NTRK2: variants seen among roughly 807,000 people sequenced by gnomAD.
The protein encoded by NTRK2 is BDNF/NT-3 growth factors receptor.
A neutral mutation model predicts 94.5 loss-of-function variants in NTRK2; 13 were observed. The observed-to-expected ratio is 0.14, with a 90% CI of 0.09 to 0.22. The LOEUF (loss-of-function observed/expected upper bound fraction) is 0.22, where lower values mean the gene tolerates loss of function less well. Among genes scored for constraint, NTRK2 ranks in the 10% least tolerant of loss-of-function variants. The pLI, the probability that NTRK2 is intolerant of heterozygous loss-of-function variation, is 1.00. For missense variants in NTRK2, 639 were observed against 1,071.2 expected (o/e 0.60, Z 5.63); for synonymous variants, 372 against 407.4 (o/e 0.91, Z 1.05).
At chr9:84,905,188 AAGAC>A (rs1239318552) in intron 14 of NTRK2, among the ~76,000 whole-genome samples, 1 of 152,164 alleles carries the variant, frequency 6.6e-6, no homozygotes, top group African/African-American at 2.4e-5. Context: ...AAGGGGAAGA[AAGAC>A]AGTAGTAGAA....
At chr9:84,754,048 C>CAT (rs2064862922) in intron 12 of NTRK2, among the ~76,000 whole-genome samples, 1 of 152,166 alleles carries the variant, frequency 6.6e-6, no homozygotes, top group East Asian at 1.9e-4. Flanking sequence ...AATTATGTTG[C>CAT]ATATTGAGAC....
intron 14 of NTRK2, among the ~76,000 whole-genome samples, chr9:84,910,516 C>G (rs2077207203): frequency 6.6e-6 from 1 of 152,242 alleles, no homozygotes; most frequent in East Asian, 1.9e-4. Flanking sequence ...GGATTTAAGG[C>G]CTACTCTAAT....
chr9:84,864,541 G>A (rs561800114), intron 13 of NTRK2, among the ~76,000 whole-genome samples: 4 of 152,194 alleles, frequency 2.6e-5, no homozygotes, highest in African/African-American at 7.2e-5. Flanking sequence ...TGCATTTCTG[G>A]GGGTAAAGGT....
chr9:84,775,067 T>C (rs1436492007), intron 12 of NTRK2, among the ~76,000 whole-genome samples: 1 of 152,256 alleles, frequency 6.6e-6, no homozygotes, highest in Non-Finnish European at 1.5e-5. Context: ...TCCCTAAGTA[T>C]ATAAGATGAG....
chr9:84,975,998 A>G (rs1372877889), intron 17 of NTRK2, among the ~76,000 whole-genome samples: 7 of 152,158 alleles, frequency 4.6e-5, no homozygotes, highest in Non-Finnish European at 8.8e-5. Context: ...GGGCTGCCTG[A>G]CAAGAGCTCT....
chr9:84,812,419 T>A (rs1217941975), intron 12 of NTRK2: 9 of 1,055,636 alleles, frequency 8.5e-6, no homozygotes, highest in Middle Eastern at 4.3e-4. Context: ...CCTAACTCCA[T>A]TTGAATGTAA....
At chr9:84,992,592 C>A (rs1252596744) in intron 17 of NTRK2, among the ~76,000 whole-genome samples, 1 of 151,950 alleles carries the variant, frequency 6.6e-6, no homozygotes, top group African/African-American at 2.4e-5. Flanking sequence ...TGGCAAAGAA[C>A]AGAACCTAAT....
In NTRK2 at chr9:84,761,249, G is replaced by GT. The variant is rs113347715; in HGVS notation, c.1396+9165dup. ...TAATATCCTGGATTGAAGCAGAAGA[G>GT]TCATCTCTGTCTTCAGCGACAGTGT... On this transcript the variant is annotated intron_variant, in intron 12 of 18. Transcript: ENST00000277120. Among the ~76,000 whole-genome samples the GT allele has an allele frequency of 5.2e-3, 786 of 152,266 alleles. 7 individuals carry two copies. Among genetic ancestry groups the GT allele is most frequent in the African/African-American group, 0.018 (749 of 41,558 alleles).
At chr9:85,008,646 A>C (rs539594772) in intron 17 of NTRK2, among the ~76,000 whole-genome samples, 1 of 152,268 alleles carries the variant, frequency 6.6e-6, no homozygotes, top group South Asian at 2.1e-4. Flanking sequence ...GCTTAAAGGG[A>C]GGTGATGTCT....
intron 17 of NTRK2, among the ~76,000 whole-genome samples, chr9:84,979,691 T>C (rs550512414): frequency 2.0e-5 from 3 of 152,322 alleles, no homozygotes; most frequent in African/African-American, 7.2e-5. Flanking sequence ...CATTACATAT[T>C]ACAGAGAAAT....
intron 12 of NTRK2, among the ~76,000 whole-genome samples, chr9:84,782,056 A>ACACACACG (rs2067634354): frequency 2.0e-5 from 3 of 151,802 alleles, no homozygotes; most frequent in South Asian, 4.2e-4. Context: ...ACACACACAC[A>ACACACACG]CACACACACA....
chr9:84,674,591 T>C (rs1263057649), intron 2 of NTRK2, among the ~76,000 whole-genome samples: 2 of 152,256 alleles, frequency 1.3e-5, no homozygotes, highest in Non-Finnish European at 2.9e-5. Context: ...GTGTCTTATA[T>C]GCATTTAAGA....
chr9:84,874,335 C>T (rs377344637), intron 14 of NTRK2: 20 of 1,065,176 alleles, frequency 1.9e-5, no homozygotes, highest in African/African-American at 1.8e-4. Flanking sequence ...GAGGCTCAAT[C>T]CTTTACGGCA....
At chr9:84,714,428 C>T (rs2061590240) in intron 6 of NTRK2, among the ~76,000 whole-genome samples, 1 of 152,234 alleles carries the variant, frequency 6.6e-6, no homozygotes, top group Non-Finnish European at 1.5e-5. Context: ...TCTTCTCCAT[C>T]AGCGATGTGC....
Position 84,727,970 on chromosome 9 carries a change from G to A in NTRK2, c.1159+11G>A. 1.2e-6 allele frequency: 2 copies of A among 1,612,418 alleles called. No individual in the cohort carries two copies. The highest frequency in any genetic ancestry group is 1.7e-6 in the Non-Finnish European group (2 of 1,178,504). ...CTGGAATTGACGATGGTGAGTAACT[G>A]ACACTTTTGTATGTGGGGAGAAGAT... is the stretch of plus-strand genomic sequence containing the variant. On this transcript the variant is annotated intron_variant, in intron 9 of 18. Coordinates refer to ENST00000277120, the MANE Select transcript of NTRK2 (RefSeq NM_006180.6).
chr9:84,815,990 T>TAA (rs34917078), intron 12 of NTRK2, among the ~76,000 whole-genome samples: 12 of 139,138 alleles, frequency 8.6e-5, no homozygotes, highest in Admixed American at 2.8e-4. Flanking sequence ...AGGCAATCCT[T>TAA]AAAAAAAAAA....
chr9:84,693,792 T>G (rs2060199883), intron 2 of NTRK2, among the ~76,000 whole-genome samples: 1 of 152,178 alleles, frequency 6.6e-6, no homozygotes. Context: ...CAGTAAGAGG[T>G]GAAGCTAGTG....
intron 17 of NTRK2, among the ~76,000 whole-genome samples, chr9:84,978,109 A>C (rs1249346799): frequency 6.6e-6 from 1 of 152,186 alleles, no homozygotes; most frequent in East Asian, 1.9e-4. Context: ...ATAACCCTAC[A>C]CAAACCTCCA....
intron 11 of NTRK2, among the ~76,000 whole-genome samples, chr9:84,751,664 C>A (rs1432423585): frequency 6.6e-6 from 1 of 152,174 alleles, no homozygotes; most frequent in Non-Finnish European, 1.5e-5. Context: ...GCCCACCTCT[C>A]TTTCTCTCTC....
Sources: allele counts gnomAD v4.1 joint callset (sites outside exome capture counted in the v4.1 genomes callset), GRCh38; gene constraint gnomAD v4.1.1; transcripts MANE v1.5; gene names NCBI Gene and HGNC (gene_info 2026-07-23, HGNC 2026-07-21).